AGAP1: variants seen among roughly 807,000 people sequenced by gnomAD.
AGAP1 encodes the protein ArfGAP with GTPase domain, ankyrin repeat and PH domain 1, also known as arf-GAP with GTPase, ANK repeat and PH domain-containing protein 1.
AGAP1 carries 29 observed loss-of-function variants against 105.3 expected under a neutral mutation model. The ratio of observed to expected loss-of-function variants is 0.28; its 90% confidence interval spans 0.21 to 0.38. The LOEUF (loss-of-function observed/expected upper bound fraction) is 0.38, where lower values mean the gene tolerates loss of function less well. Among genes scored for constraint, AGAP1 ranks in the 10% least tolerant of loss-of-function variants. The pLI is 1.00. For missense variants in AGAP1, 998 were observed against 1,165.1 expected (o/e 0.86, Z 2.09); for synonymous variants, 509 against 485.9 (o/e 1.05, Z -0.63).
chr2:235,587,354 G>A (rs1945147337), intron 1 of AGAP1, among the ~76,000 whole-genome samples: 1 of 152,186 alleles, frequency 6.6e-6, no homozygotes, highest in African/African-American at 2.4e-5. Flanking sequence ...CATCCTCCTT[G>A]TAGTAACCAT....
chr2:235,945,027 A>T (rs948285844), intron 12 of AGAP1, among the ~76,000 whole-genome samples: 2 of 152,370 alleles, frequency 1.3e-5, no homozygotes, highest in East Asian at 3.9e-4. Context: ...TTAATTTTTT[A>T]AAAAAGAAAT....
rs1007532131 is a variant in AGAP1 at position 236,035,266 on chromosome 2, T to G, written c.1646-1295T>G. Among the ~76,000 whole-genome samples, 14 of 152,190 alleles carry G rather than the reference T, an allele frequency of 9.2e-5. No individual in the cohort carries two copies. The highest frequency in any genetic ancestry group is 2.1e-4 in the Non-Finnish European group (14 of 68,034). ...ATAGTTGCTCGCCAGGGGATTATAA[T>G]GCAGCTAGTTCACAGGCCAGGGCCC... On this transcript the variant is annotated intron_variant, in intron 13 of 17. Coordinates refer to ENST00000304032, the MANE Select transcript of AGAP1 (RefSeq NM_001037131.3). The surrounding 1 kb of genome is among the most constrained non-coding windows in gnomAD (Gnocchi z 4.2).
In AGAP1 at chr2:235,793,287, C is replaced by T. The variant is rs1486478103; in HGVS notation, c.674-4472C>T. Among the ~76,000 whole-genome samples the T allele has an allele frequency of 3.3e-5, 5 of 152,130 alleles. No individual in the cohort carries two copies. Among genetic ancestry groups the T allele is most frequent in the Non-Finnish European group, 5.9e-5 (4 of 68,040 alleles). ...ATGGGGCGTGGCACACGGTGTAATC[C>T]GGGCAGCCTTGGCGAGCACCTCCTG... On this transcript the variant is annotated intron_variant, in intron 6 of 17. Coordinates refer to ENST00000304032, the MANE Select transcript of AGAP1 (RefSeq NM_001037131.3). This position sits in a 1 kb window ranked among gnomAD's most constrained non-coding sequence, Gnocchi z 5.3.
At chr2:235,819,087 C>T (rs544848844) in intron 9 of AGAP1, among the ~76,000 whole-genome samples, 31 of 150,996 alleles carry the variant, frequency 2.1e-4, no homozygotes, top group African/African-American at 3.9e-4. Flanking sequence ...AATCGAGTAT[C>T]GGGAAATTGT....
In AGAP1 at chr2:235,777,660, G is replaced by C. The variant is rs1264119634; in HGVS notation, c.674-20099G>C. Among the ~76,000 whole-genome samples, 1 of 152,130 alleles carries C rather than the reference G, an allele frequency of 6.6e-6. No individual in the cohort carries two copies. The highest frequency in any genetic ancestry group is 1.5e-5 in the Non-Finnish European group (1 of 68,030). On this transcript the variant is annotated intron_variant, in intron 6 of 17. Coordinates refer to ENST00000304032, the MANE Select transcript of AGAP1 (RefSeq NM_001037131.3). This position sits in a 1 kb window ranked among gnomAD's most constrained non-coding sequence, Gnocchi z 5.1. The stretch of plus-strand genomic sequence containing the variant: ...TCCTAAGTGCCTTCAGCTGTCACCT[G>C]AGCACGTTCAAGCCTCCTGCCCAGC...
At chr2:235,512,006 GAC>G (rs373331472) in intron 1 of AGAP1, among the ~76,000 whole-genome samples, 69,791 of 147,078 alleles carry the variant, frequency 0.47, 16,766 homozygotes, top group Admixed American at 0.58. Flanking sequence ...ATGCGTGTGT[GAC>G]TGTGTGAATG....
Position 235,721,361 on chromosome 2 carries a change from T to C in AGAP1, c.310+3717T>C, listed in dbSNP as rs986153253. 1.3e-5 allele frequency among the ~76,000 whole-genome samples: 2 copies of C among 152,154 alleles called. No homozygotes were observed. Among genetic ancestry groups the C allele is most frequent in the Non-Finnish European group, 2.9e-5 (2 of 68,020 alleles). ...TCAAATGAGGGAAGGATATAAATAT[T>C]CTGTTTTTCAATTAGTGAATTAACA... On this transcript the variant is annotated intron_variant, in intron 3 of 17. Coordinates refer to ENST00000304032, the MANE Select transcript of AGAP1 (RefSeq NM_001037131.3). The surrounding 1 kb of genome is among the most constrained non-coding windows in gnomAD (Gnocchi z 4.5).
chr2:235,913,600 T>A (rs568957672), intron 11 of AGAP1, among the ~76,000 whole-genome samples: 4 of 152,204 alleles, frequency 2.6e-5, no homozygotes, highest in Non-Finnish European at 5.9e-5. Context: ...GTGTCTTAGA[T>A]GTATGACTCC....
In AGAP1 at chr2:236,092,682, G is replaced by A. The variant is rs954041783; in HGVS notation, c.2115-27510G>A. On this transcript the variant is annotated intron_variant, in intron 16 of 17. Coordinates refer to ENST00000304032, the MANE Select transcript of AGAP1 (RefSeq NM_001037131.3). The surrounding 1 kb of genome is among the most constrained non-coding windows in gnomAD (Gnocchi z 4.7). Reference sequence around the variant, plus strand: ...GCTGGGATTACAGGCGTGAGCCACCGCGCCCGGCCGTATTATTTCTTTAAA... The same window carrying A: ...GCTGGGATTACAGGCGTGAGCCACCACGCCCGGCCGTATTATTTCTTTAAA... 1.3e-4 allele frequency among the ~76,000 whole-genome samples: 20 copies of A among 152,210 alleles called. No individual in the cohort carries two copies. The highest frequency in any genetic ancestry group is 2.1e-4 in the South Asian group (1 of 4,832).
intron 1 of AGAP1, among the ~76,000 whole-genome samples, chr2:235,519,634 G>A (rs1282308325): frequency 6.6e-6 from 1 of 152,042 alleles, no homozygotes; most frequent in Non-Finnish European, 1.5e-5. Flanking sequence ...AATTTTTTGA[G>A]CTAAGTATTA....
intron 1 of AGAP1, among the ~76,000 whole-genome samples, chr2:235,561,813 C>G (rs537522926): frequency 6.6e-6 from 1 of 152,118 alleles, no homozygotes; most frequent in Non-Finnish European, 1.5e-5. Flanking sequence ...GAGCCTAAGC[C>G]GCTTCTGTTT....
chr2:235,567,257 G>T (rs982844379), intron 1 of AGAP1, among the ~76,000 whole-genome samples: 2 of 152,232 alleles, frequency 1.3e-5, no homozygotes, highest in Non-Finnish European at 2.9e-5. Context: ...CCTGGTTTCA[G>T]CTGGAAGGAT....
At position 235,877,946 on chromosome 2, in the gene AGAP1, T is replaced by A. The variant is rs1278252156; in HGVS notation, c.1051-5399T>A. Reference sequence around the variant, plus strand: ...GCAAATCAGATAACCCCTTCCTCCCTCCACCCTGCACACCTATGGCAGGGC... The same window carrying A: ...GCAAATCAGATAACCCCTTCCTCCCACCACCCTGCACACCTATGGCAGGGC... On this transcript the variant is annotated intron_variant, in intron 9 of 17. Transcript: ENST00000304032. The surrounding 1 kb of genome is among the most constrained non-coding windows in gnomAD (Gnocchi z 4.3). 2.0e-5 allele frequency among the ~76,000 whole-genome samples: 3 copies of A among 152,226 alleles called. No homozygotes were observed. The highest frequency in any genetic ancestry group is 7.2e-5 in the African/African-American group (3 of 41,544).
At chr2:235,922,092 A>G (rs963115170) in intron 11 of AGAP1, among the ~76,000 whole-genome samples, 1 of 152,226 alleles carries the variant, frequency 6.6e-6, no homozygotes, top group South Asian at 2.1e-4. Context: ...TTTCCCACAC[A>G]TGCGCACAAC....
intron 1 of AGAP1, among the ~76,000 whole-genome samples, chr2:235,675,039 C>A (rs1460188482): frequency 6.6e-6 from 1 of 151,296 alleles, no homozygotes; most frequent in Non-Finnish European, 1.5e-5. Context: ...ATTTTTTAAA[C>A]CATTTAAAAC....
At position 235,960,337 on chromosome 2, in the gene AGAP1, C is replaced by A. The variant is rs1398095426; in HGVS notation, c.1484-8125C>A. 1.3e-5 allele frequency among the ~76,000 whole-genome samples: 2 copies of A among 152,172 alleles called. No individual in the cohort carries two copies. Among genetic ancestry groups the A allele is most frequent in the Non-Finnish European group, 2.9e-5 (2 of 68,022 alleles). On this transcript the variant is annotated intron_variant, in intron 12 of 17. Coordinates refer to ENST00000304032, the MANE Select transcript of AGAP1 (RefSeq NM_001037131.3). This position sits in a 1 kb window ranked among gnomAD's most constrained non-coding sequence, Gnocchi z 4.9. The stretch of plus-strand genomic sequence containing the variant: ...TTTTTATCCCATGACAACCCTGTGT[C>A]CTCTGAAAAGCTTGCCTCCTTCTCC...
intron 1 of AGAP1, among the ~76,000 whole-genome samples, chr2:235,541,093 T>C (rs1037196251): frequency 4.4e-4 from 67 of 152,222 alleles, no homozygotes; most frequent in African/African-American, 1.6e-3. Context: ...TCTATCCTTA[T>C]ATAAGCTCTA....
At chr2:235,790,557 C>A (rs748907948) in intron 6 of AGAP1, among the ~76,000 whole-genome samples, 2 of 152,142 alleles carry the variant, frequency 1.3e-5, no homozygotes, top group African/African-American at 2.4e-5. Flanking sequence ...GCATAGATCT[C>A]TTCACTTCTC....
chr2:235,918,260 A>G (rs1157869660), intron 11 of AGAP1, among the ~76,000 whole-genome samples: 2 of 152,240 alleles, frequency 1.3e-5, no homozygotes, highest in African/African-American at 4.8e-5. Flanking sequence ...CCATTTGCAA[A>G]TGGAAGCCTT....
Sources: gnomAD v4.1 joint callset for allele counts (sites outside exome capture counted in the v4.1 genomes callset) on GRCh38, gnomAD v4.1.1 for gene constraint, Gnocchi (gnomAD v3.1) non-coding constraint, MANE v1.5 for transcripts, NCBI Gene and HGNC (gene_info 2026-07-23, HGNC 2026-07-21) for gene names.